ZNF644: variants seen among roughly 807,000 people sequenced by gnomAD.
The protein encoded by ZNF644 is zinc finger protein 644.
A neutral mutation model predicts 108.0 loss-of-function variants in ZNF644; 20 were observed. The observed-to-expected ratio is 0.19, with a 90% CI of 0.13 to 0.27. ZNF644 has a LOEUF of 0.27. Ranked by LOEUF, ZNF644 falls within the 10% of genes least tolerant of loss-of-function variation. ZNF644 has a pLI of 1.00. For missense variants in ZNF644, 1,338 were observed against 1,548.9 expected (o/e 0.86, Z 2.29); for synonymous variants, 542 against 539.1 (o/e 1.01, Z -0.08).
chr1:90,926,651 C>T (rs1196861119), intron 4 of ZNF644, among the ~76,000 whole-genome samples: 1 of 152,194 alleles, frequency 6.6e-6, no homozygotes, highest in African/African-American at 2.4e-5. Flanking sequence ...GATTGATTAA[C>T]TGTACTGGTA....
intron 2 of ZNF644, among the ~76,000 whole-genome samples, chr1:90,979,373 T>A (rs1391364065): frequency 6.6e-6 from 1 of 152,154 alleles, no homozygotes; most frequent in African/African-American, 2.4e-5. Context: ...CTTGGGAGGC[T>A]GAGGCAGGAG....
Position 90,982,437 on chromosome 1 carries a change from A to G in ZNF644, c.-17-67T>C. 5 of 994,728 alleles carry G rather than the reference A, an allele frequency of 5.0e-6. No individual in the cohort carries two copies. In the South Asian group the frequency reaches 5.2e-5, roughly 10 times the overall value. 61.6% of individuals were successfully genotyped at this position (994,728 alleles called of 1,614,324 possible). A position where few individuals can be genotyped will look rare whatever the true frequency, so the allele number is the denominator to read the frequency against. The stretch of plus-strand genomic sequence containing the variant: ...TTCAGGCATGAATAACCATAGCTAC[A>G]ATACACTATTATTTTAAATGAAAAA... On this transcript the variant is annotated intron_variant, in intron 1 of 5. Coordinates refer to ENST00000337393, the MANE Select transcript of ZNF644 (RefSeq NM_201269.3).
intron 4 of ZNF644, among the ~76,000 whole-genome samples, chr1:90,925,716 T>G (rs1649956284): frequency 6.6e-6 from 1 of 151,862 alleles, no homozygotes; most frequent in African/African-American, 2.4e-5. Flanking sequence ...ATAGATCACC[T>G]TCCTTATGAA....
intron 1 of ZNF644, among the ~76,000 whole-genome samples, chr1:91,004,829 TA>T (rs1659253894): frequency 2.0e-5 from 3 of 152,062 alleles, no homozygotes; most frequent in African/African-American, 7.2e-5. Flanking sequence ...AAAAATGAAC[TA>T]AAAGTATACA....
chr1:90,996,189 A>C (rs184102128), intron 1 of ZNF644, among the ~76,000 whole-genome samples: 2 of 152,364 alleles, frequency 1.3e-5, no homozygotes, highest in East Asian at 3.9e-4. Context: ...AATATTTGCC[A>C]ACTATATACT....
intron 1 of ZNF644, chr1:91,021,042 G>C (rs1207819986): frequency 6.6e-6 from 1 of 152,234 alleles, no homozygotes; most frequent in Non-Finnish European, 1.5e-5. Context: ...GTTGTCTGTA[G>C]AAGTCTCGTA....
At chr1:90,960,983 G>T (rs539262037) in intron 2 of ZNF644, among the ~76,000 whole-genome samples, 1 of 150,714 alleles carries the variant, frequency 6.6e-6, no homozygotes, top group Non-Finnish European at 1.5e-5. Flanking sequence ...AAAATGAAGA[G>T]AATTTCTCAC....
intron 1 of ZNF644, among the ~76,000 whole-genome samples, chr1:90,989,418 T>G (rs902909919): frequency 4.6e-5 from 7 of 151,764 alleles, no homozygotes; most frequent in African/African-American, 1.7e-4. Context: ...TAGCACGCGT[T>G]TGTAGTACCA....
At chr1:90,989,808 C>A (rs1657460465) in intron 1 of ZNF644, among the ~76,000 whole-genome samples, 1 of 152,140 alleles carries the variant, frequency 6.6e-6, no homozygotes, top group Non-Finnish European at 1.5e-5. Flanking sequence ...AGCAATCCCA[C>A]TTCTGGGCAT....
Position 91,000,491 on chromosome 1 carries a change from G to A in ZNF644, c.-17-18121C>T, listed in dbSNP as rs371004074. On this transcript the variant is annotated intron_variant, in intron 1 of 5. Coordinates refer to ENST00000337393, the MANE Select transcript of ZNF644 (RefSeq NM_201269.3). ...AATAAAGATGTTCTTTGAAACCAAC[G>A]AGAATAAAGACACAACACACCAGAA... is the stretch of plus-strand genomic sequence containing the variant. Among the ~76,000 whole-genome samples, 11 of 152,186 alleles carry A rather than the reference G, an allele frequency of 7.2e-5. No individual in the cohort carries two copies. The East Asian group carries it at 1.5e-3, about 21-fold the overall frequency.
Position 90,945,808 on chromosome 1 carries a change from T to C in ZNF644, c.45-4499A>G, listed in dbSNP as rs568601469. On this transcript the variant is annotated intron_variant, in intron 2 of 5. Coordinates refer to ENST00000337393, the MANE Select transcript of ZNF644 (RefSeq NM_201269.3). ...TTATGTACATTATTAATTGTATTTA[T>C]TGCAAGTAGGTTAACATTTTGTGGG... Among the ~76,000 whole-genome samples the C allele has an allele frequency of 4.6e-5, 7 of 152,198 alleles. No homozygotes were observed. The South Asian group carries it at 8.3e-4, about 18-fold the overall frequency.
intron 4 of ZNF644, among the ~76,000 whole-genome samples, chr1:90,934,224 C>T (rs1651073114): frequency 6.6e-6 from 1 of 152,094 alleles, no homozygotes. Context: ...CAACATTCAT[C>T]CCTGGTCATT....
intron 2 of ZNF644, among the ~76,000 whole-genome samples, chr1:90,944,287 C>G (rs147098849): frequency 6.6e-6 from 1 of 152,034 alleles, no homozygotes; most frequent in Non-Finnish European, 1.5e-5. Flanking sequence ...TCCTCATTAC[C>G]GGAATGGCTT....
chr1:90,961,877 G>A (rs77341082), intron 2 of ZNF644, among the ~76,000 whole-genome samples: 2,853 of 151,864 alleles, frequency 0.019, 27 homozygotes, highest in Non-Finnish European at 0.029. Context: ...TAGAGGCTAG[G>A]TAAAAACTTA....
intron 1 of ZNF644, among the ~76,000 whole-genome samples, chr1:91,013,904 C>A (rs1369664395): frequency 6.6e-6 from 1 of 152,040 alleles, no homozygotes; most frequent in Non-Finnish European, 1.5e-5. Flanking sequence ...AAATAAAAAT[C>A]CATTAATAAA....
chr1:90,969,910 C>T (rs631231), intron 2 of ZNF644, among the ~76,000 whole-genome samples: 87 of 152,274 alleles, frequency 5.7e-4, no homozygotes, highest in Middle Eastern at 3.4e-3. Flanking sequence ...CCCTAGCAGA[C>T]TAATATGCTC....
intron 2 of ZNF644, among the ~76,000 whole-genome samples, chr1:90,941,643 T>C (rs192620588): frequency 6.6e-6 from 1 of 152,146 alleles, no homozygotes; most frequent in East Asian, 1.9e-4. Flanking sequence ...ACAATATAAA[T>C]ATGCTACAGA....
intron 2 of ZNF644, among the ~76,000 whole-genome samples, chr1:90,951,643 T>C (rs905236543): frequency 1.3e-5 from 2 of 152,204 alleles, no homozygotes; most frequent in African/African-American, 4.8e-5. Flanking sequence ...TTCTCCACAC[T>C]GCTGGCATTC....
chr1:90,940,656 A>C lies in ZNF644; in HGVS notation c.698T>G (p.Val233Gly). Residue 233 changes from valine to glycine, a missense_variant, in exon 3 of 6, where the codon GTG becomes GGG. Transcript: ENST00000337393. ...TACTGTATTGACACAATCATCTTTC[A>C]CCAATAAATCTTCACCATCCTCACC... ...EVGEDGEDLL[V>G]KDDCVNTVTG... The C allele has an allele frequency of 6.2e-7, 1 of 1,613,896 alleles. No homozygotes were observed. The highest frequency in any genetic ancestry group is 8.5e-7 in the Non-Finnish European group (1 of 1,179,942).
Sources: gnomAD v4.1 joint callset for allele counts (sites outside exome capture counted in the v4.1 genomes callset) on GRCh38, gnomAD v4.1.1 for gene constraint, MANE v1.5 for transcripts, NCBI Gene and HGNC (gene_info 2026-07-23, HGNC 2026-07-21) for gene names.